FAM118A: variants seen among roughly 807,000 people sequenced by gnomAD.
FAM118A encodes the protein SIR2 antiphage like 2, also known as protein FAM118A.
Under a neutral mutation model 38.2 loss-of-function variants are expected in FAM118A, and 25 were observed. The observed-to-expected ratio is 0.65, with a 90% CI of 0.48 to 0.91. The LOEUF (loss-of-function observed/expected upper bound fraction) is 0.91, where lower values mean the gene tolerates loss of function less well. Ranked by LOEUF, FAM118A falls within the 40% of genes least tolerant of loss-of-function variation. The pLI, the probability that FAM118A is intolerant of heterozygous loss-of-function variation, is 0.00. For missense variants in FAM118A, 425 were observed against 463.3 expected (o/e 0.92, Z 0.76); for synonymous variants, 178 against 184.1 (o/e 0.97, Z 0.27).
chr22:45,341,078 C>T lies in FAM118A; in HGVS notation c.*673C>T, dbSNP rs1401105427. The T allele has an allele frequency of 2.0e-5, 3 of 152,246 alleles. No homozygotes were observed. The highest frequency in any genetic ancestry group is 1.3e-4 in the Admixed American group (2 of 15,286). The allele number at this position is 152,246 out of a possible 1,614,324, so 9.4% of individuals were successfully genotyped here. A position where few individuals can be genotyped will look rare whatever the true frequency, so the allele number is the denominator to read the frequency against. On this transcript the variant is annotated 3_prime_UTR_variant, in exon 9 of 9. Transcript: ENST00000441876. ...TTGGCCTCCCAAAGTGCTAGGATTA[C>T]AGGCATGAGCCACTGCGCCCAGCAA...
rs765987560 is a variant in FAM118A, at chr22:45,327,975, T to C, written c.434T>C (p.Leu145Pro). The change falls in exon 4 of 9, where the codon CTG becomes CCG. Residue 145 changes from leucine (L) to proline (P), a missense_variant. By Grantham distance (98) the Leu-to-Pro change is moderately conservative. Coordinates refer to ENST00000441876, the MANE Select transcript of FAM118A (RefSeq NM_017911.4). The stretch of plus-strand genomic sequence containing the variant: ...CTGATGGACAGGGGCGCCATGGTCC[T>C]GACCACCAACTATGACAACCTGCTG... Reference protein sequence around the residue: ...LSLMDRGAMVLTTNYDNLLEA... With the variant: ...LSLMDRGAMVPTTNYDNLLEA... 1 of 1,613,702 alleles carries C rather than the reference T, an allele frequency of 6.2e-7. No individual in the cohort carries two copies. Among genetic ancestry groups the C allele is most frequent in the Non-Finnish European group, 8.5e-7 (1 of 1,179,928 alleles).
At chr22:45,323,137 T>C in intron 2 of FAM118A, 38 bp from the exon 3 acceptor site, 1 of 1,601,562 alleles carries the variant, frequency 6.2e-7, no homozygotes, top group Middle Eastern at 1.7e-4. Context: ...ATGTTTCCGC[T>C]TTGACTTTCA....
chr22:45,336,436 G>C, intron 8 of FAM118A, 25 bp downstream of exon 8: 1 of 1,591,202 alleles, frequency 6.3e-7, no homozygotes, highest in Non-Finnish European at 8.6e-7. Context: ...CTTTTTGTGG[G>C]GAGCTGCCTC....
chr22:45,325,699 G>T (rs1475754711), intron 3 of FAM118A, among the ~76,000 whole-genome samples: 1 of 152,142 alleles, frequency 6.6e-6, no homozygotes, highest in Non-Finnish European at 1.5e-5. Context: ...TGGCTGAGAT[G>T]GACCAGGACT....
chr22:45,309,665 C>G (rs1195631760), upstream of FAM118A: 1 of 152,284 alleles, frequency 6.6e-6, no homozygotes, highest in African/African-American at 2.4e-5. Context: ...GGCTAGGACG[C>G]GGACTCTAGG....
intron 2 of FAM118A, 50 bp downstream of exon 2, chr22:45,322,476 C>T (rs201574066): frequency 5.3e-6 from 8 of 1,504,476 alleles, no homozygotes; most frequent in East Asian, 4.5e-5. Context: ...CTTCATCTAG[C>T]GTCTCTCGTG....
At chr22:45,309,342 A>C (rs2084273494), upstream of FAM118A, 1 of 152,210 alleles carries the variant, frequency 6.6e-6, no homozygotes, top group Non-Finnish European at 1.5e-5. Flanking sequence ...GACAAGACGG[A>C]CAAGGTACCG....
chr22:45,327,949 C>G lies in FAM118A; in HGVS notation c.408C>G (p.Ser136Arg), dbSNP rs2085408686. The change falls in exon 4 of 9, where the codon AGC (serine) becomes AGG (arginine). Residue 136 changes from serine (S) to arginine (R), a missense_variant. Transcript: ENST00000441876. ...CTGTGGTGCTGCAGTCGATCCTCAG[C>G]CTGATGGACAGGGGCGCCATGGTCC... ...RSPVVLQSIL[S>R]LMDRGAMVLT... is the part of the protein sequence containing the mutation. 1.2e-6 allele frequency: 2 copies of G among 1,614,212 alleles called. No homozygotes were observed. Among genetic ancestry groups the G allele is most frequent in the Non-Finnish European group, 1.7e-6 (2 of 1,180,030 alleles).
intron 6 of FAM118A, among the ~76,000 whole-genome samples, chr22:45,333,301 G>A: frequency 6.6e-6 from 1 of 152,136 alleles, no homozygotes. Flanking sequence ...CAAGGCAGGA[G>A]GATTGCTTGA....
In FAM118A at chr22:45,341,639, G is replaced by A. The variant is rs1018021953; in HGVS notation, c.*1234G>A. ...TGAGTGTGCTGCCGGTGCCCGGGGA[G>A]CTTCTCTGACTGTGACCCGGCAGAG... On this transcript the variant is annotated 3_prime_UTR_variant, in exon 9 of 9. Coordinates refer to ENST00000441876, the MANE Select transcript of FAM118A (RefSeq NM_017911.4). 1.3e-5 allele frequency: 2 copies of A among 152,250 alleles called. No individual in the cohort carries two copies. 9.4% of individuals were successfully genotyped at this position (152,250 alleles called of 1,614,324 possible).
intron 1 of FAM118A, among the ~76,000 whole-genome samples, chr22:45,313,813 G>C (rs776671799): frequency 7.2e-5 from 11 of 152,192 alleles, no homozygotes; most frequent in Non-Finnish European, 1.0e-4. Context: ...CTGGCCGCTT[G>C]TGGCCGCCGA....
chr22:45,310,562 G>A (rs1813262525), intron 1 of FAM118A, among the ~76,000 whole-genome samples: 2 of 152,260 alleles, frequency 1.3e-5, no homozygotes, highest in Admixed American at 6.5e-5. Context: ...GAGACCCCGG[G>A]TCCCCGTGCC....
chr22:45,313,921 G>A (rs1176746653), intron 1 of FAM118A, among the ~76,000 whole-genome samples: 1 of 152,198 alleles, frequency 6.6e-6, no homozygotes, highest in Non-Finnish European at 1.5e-5. Context: ...CATCTAGGGT[G>A]TAGTAGGAAG....
intron 6 of FAM118A, among the ~76,000 whole-genome samples, chr22:45,334,794 A>T (rs1220612088): frequency 1.3e-5 from 2 of 152,184 alleles, no homozygotes; most frequent in African/African-American, 2.4e-5. Context: ...GTGGCTCTGC[A>T]GAGAGGCAGC....
intron 1 of FAM118A, among the ~76,000 whole-genome samples, chr22:45,313,068 G>C (rs187134196): frequency 1.3e-5 from 2 of 152,252 alleles, no homozygotes; most frequent in East Asian, 3.9e-4. Context: ...AAGCTGCCCA[G>C]GGCCTATCTG....
At position 45,326,109 on chromosome 22, in the gene FAM118A, C is replaced by T. The variant is rs894424332; in HGVS notation, c.301-1733C>T. Among the ~76,000 whole-genome samples the T allele has an allele frequency of 7.2e-5, 11 of 152,074 alleles. No individual in the cohort carries two copies. The South Asian group carries it at 1.2e-3, about 17-fold the overall frequency. ...GGGAGGTATTTTGATACCCAGGTGC[C>T]GAGGCAGAGGGTGACAATGAGGCTG... On this transcript the variant is annotated intron_variant, in intron 3 of 8. Transcript: ENST00000441876.
chr22:45,326,240 C>G (rs1337685715), intron 3 of FAM118A, among the ~76,000 whole-genome samples: 1 of 151,638 alleles, frequency 6.6e-6, no homozygotes, highest in Non-Finnish European at 1.5e-5. Flanking sequence ...TCTGCTGTCA[C>G]CAGCCCTTCC....
rs555814301 is a variant in FAM118A at position 45,337,292 on chromosome 22, C to T, written c.1054+881C>T. Among the ~76,000 whole-genome samples, 19 of 152,306 alleles carry T rather than the reference C, an allele frequency of 1.2e-4. No homozygotes were observed. In the East Asian group the frequency reaches 1.5e-3, roughly 12 times the overall value. On this transcript the variant is annotated intron_variant, in intron 8 of 8. Transcript: ENST00000441876. The stretch of plus-strand genomic sequence containing the variant: ...AAAAGTTGGCAAACAAAAGCATTTC[C>T]GTGATGAAAACAGCGTCAGTGTTCT...
At chr22:45,335,249 T>G in intron 6 of FAM118A, 101 bp from the exon 7 acceptor site, 1 of 1,378,846 alleles carries the variant, frequency 7.3e-7, no homozygotes. Context: ...CCCAGAAGCC[T>G]GTTCCCAGTC....
Sources: gnomAD v4.1 joint callset for allele counts (sites outside exome capture counted in the v4.1 genomes callset) on GRCh38, gnomAD v4.1.1 for gene constraint, MANE v1.5 for transcripts, NCBI Gene and HGNC (gene_info 2026-07-23, HGNC 2026-07-21) for gene names.